DEPDC5: variants seen among roughly 807,000 people sequenced by gnomAD.
DEPDC5 encodes the protein GATOR1 complex protein DEPDC5.
DEPDC5 carries 73 observed loss-of-function variants against 217.3 expected under a neutral mutation model. The observed-to-expected ratio is 0.34, with a 90% confidence interval of 0.28 to 0.41. The LOEUF (loss-of-function observed/expected upper bound fraction) is 0.41. Ranked by LOEUF, DEPDC5 falls within the 10% of genes least tolerant of loss-of-function variation. The pLI is 1.00. For synonymous variants in DEPDC5, 733 were observed against 756.7 expected (o/e 0.97, Z 0.51); for missense variants, 1,675 against 2,070.1 (o/e 0.81, Z 3.70).
At chr22:31,859,389 C>CTT (rs567370285) in intron 32 of DEPDC5, among the ~76,000 whole-genome samples, 42 of 123,796 alleles carry the variant, frequency 3.4e-4, no homozygotes, top group African/African-American at 7.3e-4. Context: ...CTGCGCCCGG[C>CTT]TTTTTTTTTT....
intron 3 of DEPDC5, among the ~76,000 whole-genome samples, chr22:31,760,183 T>C (rs1417259390): frequency 6.6e-6 from 1 of 151,950 alleles, no homozygotes; most frequent in African/African-American, 2.4e-5. Flanking sequence ...TTCTCCTGCC[T>C]CAGCCTCCCA....
In DEPDC5 at chr22:31,836,854, A is replaced by G. The variant is rs188150522; in HGVS notation, c.2171-118A>G. On this transcript the variant is annotated intron_variant, in intron 25 of 42. Transcript: ENST00000651528. ...GTTTCTTCCCAATCCTGGCAATTTTACCATCTTTCACCCTGAACTTTTTTC... is the reference window on the plus strand; with the variant it reads ...GTTTCTTCCCAATCCTGGCAATTTTGCCATCTTTCACCCTGAACTTTTTTC... 1.2e-4 allele frequency: 112 copies of G among 912,780 alleles called. No homozygotes were observed. In the African/African-American group the frequency reaches 1.8e-3, roughly 14 times the overall value. 56.5% of individuals were successfully genotyped at this position (912,780 alleles called of 1,614,324 possible). A position where few individuals can be genotyped will look rare whatever the true frequency, so the allele number is the denominator to read the frequency against.
intron 8 of DEPDC5, among the ~76,000 whole-genome samples, chr22:31,780,304 AAG>A (rs2084297266): frequency 6.6e-6 from 1 of 152,164 alleles, no homozygotes; most frequent in African/African-American, 2.4e-5. Context: ...GAGTGAAGGA[AAG>A]AGAAGTACTG....
At chr22:31,772,076 TA>T (rs1247429829) in intron 7 of DEPDC5, among the ~76,000 whole-genome samples, 1 of 151,102 alleles carries the variant, frequency 6.6e-6, no homozygotes, top group Admixed American at 6.6e-5. Context: ...AAAATAACAA[TA>T]AAAAAAAGAA....
rs561487046 is a variant in DEPDC5 at position 31,814,210 on chromosome 22, C to T, written c.1446-782C>T. On this transcript the variant is annotated intron_variant, in intron 20 of 42. Coordinates refer to ENST00000651528, the MANE Select transcript of DEPDC5 (RefSeq NM_001242896.3). ...ATAATACATACTTCAGCGTAAGTTT[C>T]TTTCTTTTTTTACATGTTATTTATT... 5.9e-5 allele frequency: 9 copies of T among 152,266 alleles called. No individual in the cohort carries two copies. The South Asian group carries it at 8.3e-4, about 14-fold the overall frequency. The allele number at this position is 152,266 out of a possible 1,614,324, so 9.4% of individuals were successfully genotyped here.
chr22:31,821,411 C>T, intron 22 of DEPDC5, 91 bp from the exon 23 acceptor site: 2 of 1,534,200 alleles, frequency 1.3e-6, no homozygotes, highest in Non-Finnish European at 9.0e-7. Context: ...ACATCTGTAT[C>T]CCAGTAGCTG....
At chr22:31,866,043 A>G (rs571050279) in intron 33 of DEPDC5, among the ~76,000 whole-genome samples, 8 of 152,248 alleles carry the variant, frequency 5.3e-5, no homozygotes, top group African/African-American at 1.9e-4. Context: ...CTTGTAGCTG[A>G]TGACCCACCA....
At chr22:31,779,022 TG>T (rs2084163279) in intron 8 of DEPDC5, among the ~76,000 whole-genome samples, 1 of 152,136 alleles carries the variant, frequency 6.6e-6, no homozygotes, top group Non-Finnish European at 1.5e-5. Context: ...TAATATGTTG[TG>T]GGGGTTGTCT....
At chr22:31,767,556 A>G (rs768771753) in intron 6 of DEPDC5, among the ~76,000 whole-genome samples, 1 of 151,978 alleles carries the variant, frequency 6.6e-6, no homozygotes, top group Non-Finnish European at 1.5e-5. Context: ...CGGCCTCCCA[A>G]AGTGCTGGGA....
chr22:31,794,745 G>T (rs916981339), intron 12 of DEPDC5, among the ~76,000 whole-genome samples: 1 of 152,194 alleles, frequency 6.6e-6, no homozygotes, highest in East Asian at 1.9e-4. Context: ...ACTTAGCTGG[G>T]TGCAGTGGTG....
At chr22:31,798,520 A>AT in intron 13 of DEPDC5, 62 bp from the exon 14 acceptor site, 1 of 1,481,108 alleles carries the variant, frequency 6.8e-7, no homozygotes, top group Non-Finnish European at 9.2e-7. Context: ...TTCGTTTAAA[A>AT]TTAAAAAAAA....
At chr22:31,798,763 G>A in intron 14 of DEPDC5, 107 bp downstream of exon 14, 5 of 1,107,574 alleles carry the variant, frequency 4.5e-6, no homozygotes, top group Non-Finnish European at 6.4e-6. Context: ...GGATCTTGCA[G>A]AAGAAAGAAT....
intron 8 of DEPDC5, among the ~76,000 whole-genome samples, chr22:31,783,239 C>T (rs904061367): frequency 1.3e-5 from 2 of 152,186 alleles, no homozygotes; most frequent in Non-Finnish European, 2.9e-5. Context: ...AGCGGCAGCC[C>T]AGGTCCCCTT....
chr22:31,902,250 C>T (rs1489104683), intron 41 of DEPDC5, among the ~76,000 whole-genome samples: 1 of 151,932 alleles, frequency 6.6e-6, no homozygotes, highest in Non-Finnish European at 1.5e-5. Context: ...ACTTCACTGT[C>T]TCCCACTAGA....
In DEPDC5 at chr22:31,803,988, A is replaced by G. The variant is rs2087180901; in HGVS notation, c.1082-174A>G. On this transcript the variant is annotated intron_variant, in intron 15 of 42. Coordinates refer to ENST00000651528, the MANE Select transcript of DEPDC5 (RefSeq NM_001242896.3). ...GTAGGGCACTTGGAAAAGAGGAAAC[A>G]GACAAAATGAATGTATTTACTTCTT... 4.9e-6 allele frequency: 3 copies of G among 615,000 alleles called. No individual in the cohort carries two copies. In the South Asian group the frequency reaches 6.6e-5, roughly 14 times the overall value. 38.1% of individuals were successfully genotyped at this position (615,000 alleles called of 1,614,324 possible). A position where few individuals can be genotyped will look rare whatever the true frequency, so the allele number is the denominator to read the frequency against.
At chr22:31,767,721 C>T (rs967471758) in intron 6 of DEPDC5, among the ~76,000 whole-genome samples, 12 of 151,446 alleles carry the variant, frequency 7.9e-5, no homozygotes, top group African/African-American at 2.2e-4. Flanking sequence ...TGTGAGGCAT[C>T]GTGCCCGGCC....
At chr22:31,769,922 C>CA (rs201115089) in intron 7 of DEPDC5, 3,679 of 144,252 alleles carry the variant, frequency 0.026, 56 homozygotes, top group African/African-American at 0.041. Context: ...GACCCTGCCT[C>CA]AAAAAAAAAA....
At position 31,802,899 on chromosome 22, in the gene DEPDC5, C is replaced by T. The variant is rs2087034448; in HGVS notation, c.1081+61C>T. 29 of 1,485,720 alleles carry T rather than the reference C, an allele frequency of 2.0e-5. No individual in the cohort carries two copies. The South Asian group carries it at 3.4e-4, about 18-fold the overall frequency. The allele number at this position is 1,485,720 out of a possible 1,614,324, so 92.0% of individuals were successfully genotyped here. A position where few individuals can be genotyped will look rare whatever the true frequency, so the allele number is the denominator to read the frequency against. On this transcript the variant is annotated intron_variant, in intron 15 of 42. Coordinates refer to ENST00000651528, the MANE Select transcript of DEPDC5 (RefSeq NM_001242896.3). Reference sequence around the variant, plus strand: ...TTCCTAGCCTGATTTCCCCTTAGAACTGTGAGCTTCACTGACTTCTTAGAG... The same window carrying T: ...TTCCTAGCCTGATTTCCCCTTAGAATTGTGAGCTTCACTGACTTCTTAGAG...
intron 14 of DEPDC5, among the ~76,000 whole-genome samples, 172 bp from the exon 15 acceptor site, chr22:31,802,532 T>C (rs2086987572): frequency 6.6e-6 from 1 of 152,076 alleles, no homozygotes; most frequent in African/African-American, 2.4e-5. Context: ...TGTGGTCAAG[T>C]AGTTCTTAAT....
Sources: gnomAD v4.1 joint callset for allele counts (sites outside exome capture counted in the v4.1 genomes callset) on GRCh38, gnomAD v4.1.1 for gene constraint, MANE v1.5 for transcripts, NCBI Gene and HGNC (gene_info 2026-07-23, HGNC 2026-07-21) for gene names.